UNC13B: variants seen among roughly 807,000 people sequenced by gnomAD.
UNC13B encodes unc-13 homolog B.
Under a neutral mutation model 211.0 loss-of-function variants are expected in UNC13B, and 144 were observed. The observed-to-expected ratio is 0.68, with a 90% CI of 0.60 to 0.78. The LOEUF (loss-of-function observed/expected upper bound fraction) is 0.78, where lower values mean the gene tolerates loss of function less well. Ranked by LOEUF, UNC13B falls within the 30% of genes least tolerant of loss-of-function variation. The probability of loss-of-function intolerance (pLI) is 0.00; values close to 1 mark genes in which losing one functional copy is unlikely to be tolerated. For synonymous variants in UNC13B, 709 were observed against 725.8 expected, an observed-to-expected ratio of 0.98 and a Z score of 0.37; for missense variants, 1,777 against 2,002.0, an observed-to-expected ratio of 0.89 and a Z score of 2.14.
Position 35,367,933 on chromosome 9 carries a change from A to G in UNC13B, c.9461+940A>G, listed in dbSNP as rs998114907. 3.3e-5 allele frequency among the ~76,000 whole-genome samples: 5 copies of G among 152,106 alleles called. No homozygotes were observed. In the East Asian group the frequency reaches 9.6e-4, roughly 29 times the overall value. On this transcript the variant is annotated intron_variant, in intron 12 of 39. Transcript: ENST00000635942. ...GACCTTCCTTTTCCCTTTTTCCTAC[A>G]AAGGCTTCTGACATCAGAAGTCTCA...
chr9:35,226,419 T>C (rs1180215679), intron 1 of UNC13B, among the ~76,000 whole-genome samples: 1 of 152,132 alleles, frequency 6.6e-6, no homozygotes, highest in Non-Finnish European at 1.5e-5. Context: ...CACACACATA[T>C]CTATATATGA....
Position 35,368,853 on chromosome 9 carries a change from G to A in UNC13B, c.9462-1465G>A, listed in dbSNP as rs545262197. On this transcript the variant is annotated intron_variant, in intron 12 of 39. Transcript: ENST00000635942. ...CTTGCCTTAAGAGATACATATTGTA[G>A]TTTCTAGAATTAGCTACAAAGTTGT... 2.6e-5 allele frequency among the ~76,000 whole-genome samples: 4 copies of A among 151,582 alleles called. No homozygotes were observed. The South Asian group carries it at 8.3e-4, about 32-fold the overall frequency.
chr9:35,203,687 A>G (rs1191955803), intron 1 of UNC13B, among the ~76,000 whole-genome samples: 1 of 152,216 alleles, frequency 6.6e-6, no homozygotes, highest in Non-Finnish European at 1.5e-5. Flanking sequence ...CAGAGTATTC[A>G]AGATGTGGCC....
chr9:35,370,574 C>A (rs986744009), intron 13 of UNC13B, among the ~76,000 whole-genome samples, 178 bp downstream of exon 13: 1 of 152,252 alleles, frequency 6.6e-6, no homozygotes, highest in Non-Finnish European at 1.5e-5. Flanking sequence ...TTCTACCTCA[C>A]TCCCTAGTCA....
At chr9:35,296,347 A>G (rs1337520185) in intron 8 of UNC13B, among the ~76,000 whole-genome samples, 1 of 152,250 alleles carries the variant, frequency 6.6e-6, no homozygotes, top group East Asian at 1.9e-4. Flanking sequence ...GATTTCTTAT[A>G]GCAGATTCAG....
intron 19 of UNC13B, 136 bp downstream of exon 19, chr9:35,381,351 G>A (rs1469951613): frequency 1.1e-5 from 11 of 968,258 alleles, no homozygotes; most frequent in Non-Finnish European, 1.5e-5. Context: ...TTACCCTGGA[G>A]AGTCCGAGTG....
intron 1 of UNC13B, among the ~76,000 whole-genome samples, chr9:35,201,117 T>C (rs1823258349): frequency 6.6e-6 from 1 of 152,232 alleles, no homozygotes; most frequent in African/African-American, 2.4e-5. Flanking sequence ...TCTTTGGTTC[T>C]GTTTGTATGA....
intron 1 of UNC13B, among the ~76,000 whole-genome samples, chr9:35,182,460 ATTTATT>A (rs1821990487): frequency 1.3e-5 from 2 of 151,196 alleles, no homozygotes; most frequent in Admixed American, 6.6e-5. Context: ...TTTTATTTTT[ATTTATT>A]TTTATTTTTA....
At chr9:35,218,070 G>A (rs1824358825) in intron 1 of UNC13B, among the ~76,000 whole-genome samples, 2 of 151,868 alleles carry the variant, frequency 1.3e-5, no homozygotes. Context: ...AACCTGTAAG[G>A]GAGTCTAGGC....
intron 1 of UNC13B, among the ~76,000 whole-genome samples, chr9:35,203,563 C>T (rs200688217): frequency 5.1e-4 from 77 of 152,252 alleles, no homozygotes; most frequent in African/African-American, 1.8e-3. Flanking sequence ...GAGGGTAACC[C>T]GACCTTTCTC....
At chr9:35,325,076 T>A (rs1239616576) in intron 11 of UNC13B, among the ~76,000 whole-genome samples, 1 of 152,232 alleles carries the variant, frequency 6.6e-6, no homozygotes, top group Non-Finnish European at 1.5e-5. Context: ...GCGAAGACAT[T>A]CTTTTTAAGA....
At chr9:35,210,155 T>G (rs1823890409) in intron 1 of UNC13B, among the ~76,000 whole-genome samples, 1 of 152,190 alleles carries the variant, frequency 6.6e-6, no homozygotes, top group Non-Finnish European at 1.5e-5. Flanking sequence ...CTAATAAATG[T>G]TTTAAATTGA....
intron 7 of UNC13B, among the ~76,000 whole-genome samples, chr9:35,292,887 G>A (rs760491806): frequency 1.2e-4 from 18 of 152,192 alleles, no homozygotes; most frequent in Admixed American, 3.9e-4. Flanking sequence ...GGCTTTTCTC[G>A]TCTAGCCGAC....
At chr9:35,277,246 G>T (rs1479640647) in intron 7 of UNC13B, among the ~76,000 whole-genome samples, 1 of 152,130 alleles carries the variant, frequency 6.6e-6, no homozygotes. Context: ...AGTATTTTCT[G>T]GAAGATGGCA....
chr9:35,225,654 G>A (rs953891662), intron 1 of UNC13B, among the ~76,000 whole-genome samples: 2 of 151,712 alleles, frequency 1.3e-5, no homozygotes, highest in African/African-American at 2.4e-5. Context: ...ACCTTTACTC[G>A]GACTAGTTTC....
chr9:35,308,561 T>G (rs1830035065), intron 9 of UNC13B, 149 bp downstream of exon 9: 1 of 395,216 alleles, frequency 2.5e-6, no homozygotes. Context: ...AGGGGTTAAA[T>G]AACAAGAACT....
chr9:35,389,628 A>G (rs1373433856), intron 24 of UNC13B, among the ~76,000 whole-genome samples: 2 of 152,166 alleles, frequency 1.3e-5, no homozygotes, highest in Non-Finnish European at 2.9e-5. Context: ...ATCAGAGAGA[A>G]CTTCTCAGCG....
intron 11 of UNC13B, among the ~76,000 whole-genome samples, chr9:35,332,605 A>G (rs1831435625): frequency 6.6e-6 from 1 of 152,032 alleles, no homozygotes; most frequent in African/African-American, 2.4e-5. Context: ...TGCTTAGACT[A>G]TAGTATTAGT....
intron 1 of UNC13B, among the ~76,000 whole-genome samples, chr9:35,201,095 A>T (rs888860612): frequency 1.3e-5 from 2 of 151,842 alleles, no homozygotes; most frequent in African/African-American, 4.9e-5. Flanking sequence ...TGAGATAATC[A>T]TGTGGTTTTT....
Sources: allele counts gnomAD v4.1 joint callset (sites outside exome capture counted in the v4.1 genomes callset), GRCh38; gene constraint gnomAD v4.1.1; transcripts MANE v1.5; gene names NCBI Gene and HGNC (gene_info 2026-07-23, HGNC 2026-07-21).